The following TUBGCP5 variants were observed in gnomAD, a reference collection of about 807,000 sequenced individuals.
The protein encoded by TUBGCP5 is gamma-tubulin complex component 5.
Under a neutral mutation model 134.7 loss-of-function variants are expected in TUBGCP5, and 98 were observed. That is an observed-to-expected ratio of 0.73 (90% CI 0.62 to 0.86). The LOEUF is 0.86. Ranked by LOEUF, TUBGCP5 falls within the 40% of genes least tolerant of loss-of-function variation. The probability of loss-of-function intolerance (pLI) is 0.00; values close to 1 mark genes in which losing one functional copy is unlikely to be tolerated. For missense variants in TUBGCP5, 1,150 were observed against 1,244.8 expected (o/e 0.92, Z 1.15); for synonymous variants, 456 against 431.4 (o/e 1.06, Z -0.71).
intron 9 of TUBGCP5, 67 bp from the exon 10 acceptor site, chr15:23,024,260 C>T: frequency 6.4e-7 from 1 of 1,561,036 alleles, no homozygotes; most frequent in Non-Finnish European, 8.7e-7. Flanking sequence ...TCATTTCCCT[C>T]TCGCTGTAAA....
chr15:23,016,768 T>C (rs1049751491), intron 13 of TUBGCP5, among the ~76,000 whole-genome samples: 1 of 151,668 alleles, frequency 6.6e-6, no homozygotes, highest in African/African-American at 2.4e-5. Flanking sequence ...GGAGAACAGT[T>C]TGGCGGTTCC....
chr15:23,029,080 T>C (rs1396747902), intron 6 of TUBGCP5, among the ~76,000 whole-genome samples: 1 of 152,014 alleles, frequency 6.6e-6, no homozygotes, highest in Non-Finnish European at 1.5e-5. Flanking sequence ...TCAAGATGTT[T>C]AAAAAAAATT....
intron 13 of TUBGCP5, among the ~76,000 whole-genome samples, chr15:23,012,692 T>C (rs8036172): frequency 0.089 from 13,522 of 152,214 alleles, 1,073 homozygotes; most frequent in East Asian, 0.46. Context: ...AGCATAAAAC[T>C]TTGAATATAT....
At chr15:23,032,610 T>C (rs2066376349) in intron 4 of TUBGCP5, 118 bp downstream of exon 4, 4 of 652,818 alleles carry the variant, frequency 6.1e-6, no homozygotes, top group South Asian at 6.2e-5. Context: ...TCTAAAGCAA[T>C]AGAAATACTT....
chr15:22,994,337 G>A (rs1181141240), downstream of TUBGCP5, among the ~76,000 whole-genome samples: 2 of 152,062 alleles, frequency 1.3e-5, no homozygotes, highest in Non-Finnish European at 2.9e-5. Flanking sequence ...TAATCCGCCT[G>A]CCTTGGCCTC....
chr15:23,023,334 GA>G (rs67869935), intron 10 of TUBGCP5: 24,966 of 118,972 alleles, frequency 0.21, 2,730 homozygotes, highest in East Asian at 0.52. Flanking sequence ...CGTCTCAAAT[GA>G]AAAAAAAAAA....
intron 21 of TUBGCP5, among the ~76,000 whole-genome samples, chr15:23,002,734 G>A (rs2064461000): frequency 6.6e-6 from 1 of 152,170 alleles, no homozygotes; most frequent in Admixed American, 6.5e-5. Flanking sequence ...TCACAACACT[G>A]TCTTTGCCAC....
intron 1 of TUBGCP5, among the ~76,000 whole-genome samples, 190 bp from the exon 2 acceptor site, chr15:23,037,342 T>G (rs993279082): frequency 7.2e-5 from 11 of 152,084 alleles, no homozygotes; most frequent in African/African-American, 2.7e-4. Flanking sequence ...TGTGCAAGCA[T>G]CCTTTCTCCA....
chr15:23,008,918 G>C (rs771834634), intron 15 of TUBGCP5, 37 bp from the exon 16 acceptor site: 1 of 1,490,854 alleles, frequency 6.7e-7, no homozygotes, highest in Non-Finnish European at 8.9e-7. Flanking sequence ...TAAGATCTCT[G>C]GCATTCGTAA....
intron 11 of TUBGCP5, among the ~76,000 whole-genome samples, chr15:23,020,299 C>T (rs1481293768): frequency 1.3e-5 from 2 of 151,970 alleles, no homozygotes; most frequent in African/African-American, 4.8e-5. Context: ...CCCAGGTACT[C>T]AGGAGGCTAA....
intron 23 of TUBGCP5, among the ~76,000 whole-genome samples, chr15:22,985,312 G>A (rs1021886777): frequency 6.6e-6 from 1 of 152,008 alleles, no homozygotes; most frequent in Non-Finnish European, 1.5e-5. Context: ...TCCACCTCCC[G>A]AGTTAAAGCG....
intron 23 of TUBGCP5, among the ~76,000 whole-genome samples, chr15:22,993,525 G>GTTTTTTTCTTTT (rs2063925318): frequency 1.4e-5 from 1 of 69,288 alleles, no homozygotes; most frequent in African/African-American, 6.0e-5. Context: ...AGCCCCCGAA[G>GTTTTTTTCTTTT]TTTTTTTTTT....
Position 22,999,787 on chromosome 15 carries a change from C to T in TUBGCP5, c.*33G>A, listed in dbSNP as rs1279633783. 1.2e-6 allele frequency: 2 copies of T among 1,607,544 alleles called. No individual in the cohort carries two copies. The highest frequency in any genetic ancestry group is 1.7e-6 in the Non-Finnish European group (2 of 1,174,268). On this transcript the variant is annotated 3_prime_UTR_variant, in exon 23 of 23. Coordinates refer to ENST00000615383, the MANE Select transcript of TUBGCP5 (RefSeq NM_052903.6). ...TGGTGGAAATGTACATGTATGATGA[C>T]AAAGTCGGAGATATTTATTACGCTG...
intron 23 of TUBGCP5, among the ~76,000 whole-genome samples, chr15:22,988,685 G>A (rs913780694): frequency 1.3e-5 from 2 of 149,612 alleles, no homozygotes; most frequent in Non-Finnish European, 1.5e-5. Context: ...GCAGTGAGCC[G>A]AGATCGCGTG....
chr15:23,003,191 A>C, intron 20 of TUBGCP5, 38 bp from the exon 21 acceptor site: 2 of 1,585,574 alleles, frequency 1.3e-6, no homozygotes, highest in South Asian at 1.1e-5. Context: ...CTGTGTAACT[A>C]GGTTTGGACA....
At chr15:22,986,147 A>T (rs28711512) in intron 23 of TUBGCP5, among the ~76,000 whole-genome samples, 10,175 of 132,548 alleles carry the variant, frequency 0.077, 719 homozygotes, top group African/African-American at 0.18. Flanking sequence ...AAAAAAAAAA[A>T]AATAATAATA....
intron 23 of TUBGCP5, among the ~76,000 whole-genome samples, chr15:22,987,309 C>T (rs1014347377): frequency 1.3e-5 from 2 of 149,442 alleles, no homozygotes; most frequent in Admixed American, 1.3e-4. Flanking sequence ...GCACTCCAGC[C>T]TGGGCAACAA....
Position 22,999,681 on chromosome 15 carries a change from A to G in TUBGCP5, c.*139T>C. The G allele has an allele frequency of 1.1e-6, 1 of 923,350 alleles. No homozygotes were observed. 57.2% of individuals were successfully genotyped at this position (923,350 alleles called of 1,614,324 possible). A position where few individuals can be genotyped will look rare whatever the true frequency, so the allele number is the denominator to read the frequency against. Reference sequence around the variant, plus strand: ...CTCCCATCGTGCTGGGATTAGAGGCATGAGCGACTGTGCCAGGCTGACTGT... The same window carrying G: ...CTCCCATCGTGCTGGGATTAGAGGCGTGAGCGACTGTGCCAGGCTGACTGT... On this transcript the variant is annotated 3_prime_UTR_variant, in exon 23 of 23. Coordinates refer to ENST00000615383, the MANE Select transcript of TUBGCP5 (RefSeq NM_052903.6).
intron 7 of TUBGCP5, 134 bp downstream of exon 7, chr15:23,027,058 C>CA (rs896261432): frequency 0.019 from 10,230 of 532,064 alleles, no homozygotes; most frequent in Middle Eastern, 0.021. Context: ...AATCTGTCTC[C>CA]AAAAAAAAAA....
Sources: gnomAD v4.1 joint callset for allele counts (sites outside exome capture counted in the v4.1 genomes callset) on GRCh38, gnomAD v4.1.1 for gene constraint, MANE v1.5 for transcripts, NCBI Gene and HGNC (gene_info 2026-07-23, HGNC 2026-07-21) for gene names.